The following SFSWAP variants were observed in gnomAD, a reference collection of about 807,000 sequenced individuals.
SFSWAP encodes the protein splicing factor SWAP, also known as splicing factor, suppressor of white-apricot homolog.
A neutral mutation model predicts 100.7 loss-of-function variants in SFSWAP; 17 were observed. That is an observed-to-expected ratio of 0.17 (90% CI 0.12 to 0.25). SFSWAP has a LOEUF of 0.25. SFSWAP is among the 10% of genes least tolerant of loss of function. SFSWAP has a pLI of 1.00. For synonymous variants in SFSWAP, 504 were observed against 510.1 expected, an observed-to-expected ratio of 0.99 and a Z score of 0.16; for missense variants, 1,005 against 1,262.6, an observed-to-expected ratio of 0.80 and a Z score of 3.09.
chr12:131,777,577 T>C (rs1884129184), intron 13 of SFSWAP, among the ~76,000 whole-genome samples: 1 of 152,240 alleles, frequency 6.6e-6, no homozygotes, highest in Non-Finnish European at 1.5e-5. Flanking sequence ...AAATCTTTGC[T>C]ATTGTGAAGA....
chr12:131,721,880 GTCTC>G (rs1336870865), intron 4 of SFSWAP, among the ~76,000 whole-genome samples: 1 of 152,198 alleles, frequency 6.6e-6, no homozygotes, highest in Non-Finnish European at 1.5e-5. Context: ...GCTTGATTGA[GTCTC>G]TCATTTGCGT....
At chr12:131,793,970 G>C (rs1885456139) in intron 15 of SFSWAP, among the ~76,000 whole-genome samples, 1 of 152,130 alleles carries the variant, frequency 6.6e-6, no homozygotes, top group Non-Finnish European at 1.5e-5. Flanking sequence ...GGAAACGTGT[G>C]CAGTTTCTTG....
chr12:131,714,657 C>A lies in SFSWAP; in HGVS notation c.389-165C>A. 1 of 636,094 alleles carries A rather than the reference C, an allele frequency of 1.6e-6. No homozygotes were observed. Among genetic ancestry groups the A allele is most frequent in the Non-Finnish European group, 2.7e-6 (1 of 374,210 alleles). The allele number at this position is 636,094 out of a possible 1,614,324, so 39.4% of individuals were successfully genotyped here. A position where few individuals can be genotyped will look rare whatever the true frequency, so the allele number is the denominator to read the frequency against. ...GGGTAAACATGTACTGACAAAAGTA[C>A]ATAATGATAGATATAAAGTGTGAAT... On this transcript the variant is annotated intron_variant, in intron 2 of 17. Transcript: ENST00000261674. The surrounding 1 kb of genome is among the most constrained non-coding windows in gnomAD (Gnocchi z 6.0).
chr12:131,758,651 T>G (rs146615149), intron 11 of SFSWAP, among the ~76,000 whole-genome samples: 10 of 152,372 alleles, frequency 6.6e-5, no homozygotes, highest in African/African-American at 2.2e-4. Flanking sequence ...TGGAAAAGAT[T>G]GCTTAGAAAT....
chr12:131,756,582 G>T lies in SFSWAP; in HGVS notation c.1658G>T (p.Gly553Val), dbSNP rs1468429056. 5 of 1,613,358 alleles carry T rather than the reference G, an allele frequency of 3.1e-6. No homozygotes were observed. Among genetic ancestry groups the T allele is most frequent in the Non-Finnish European group, 4.2e-6 (5 of 1,179,820 alleles). The stretch of plus-strand genomic sequence containing the variant: ...GCAGCCGAGGTGGGAGCACGGGCAG[G>T]CTCAGGCGGGAAGAAGGAGGCATCG... ...EDAAEVGARA[G>V]SGGKKEASSS... Residue 553 changes from glycine (G) to valine (V), a missense_variant, in exon 11 of 18, where the codon GGC (glycine) becomes GTC (valine). Gly to Val is a moderately radical substitution (Grantham distance 109). Coordinates refer to ENST00000261674, the MANE Select transcript of SFSWAP (RefSeq NM_004592.4).
intron 13 of SFSWAP, among the ~76,000 whole-genome samples, chr12:131,774,837 TC>T (rs1307553876): frequency 1.3e-5 from 2 of 152,210 alleles, no homozygotes; most frequent in Non-Finnish European, 2.9e-5. Context: ...ATTCAGATTG[TC>T]CCGTCGCTTC....
rs1350711948 is a variant in SFSWAP, at chr12:131,733,799, T to C, written c.1081+5371T>C. Among the ~76,000 whole-genome samples, 1 of 151,990 alleles carries C rather than the reference T, an allele frequency of 6.6e-6. No homozygotes were observed. Among genetic ancestry groups the C allele is most frequent in the East Asian group, 1.9e-4 (1 of 5,172 alleles). On this transcript the variant is annotated intron_variant, in intron 7 of 17. Transcript: ENST00000261674. This position sits in a 1 kb window ranked among gnomAD's most constrained non-coding sequence, Gnocchi z 5.1. ...AGGTGTGCAGAGTGTGTGTTCAGGC[T>C]TGTCTTCCTGCCGCAGCGCAGCAGC...
intron 4 of SFSWAP, among the ~76,000 whole-genome samples, chr12:131,722,809 C>T (rs530773401): frequency 6.6e-6 from 1 of 151,902 alleles, no homozygotes; most frequent in Admixed American, 6.6e-5. Flanking sequence ...ATTAGCCAGG[C>T]GTGGTGGTAC....
chr12:131,742,112 G>A (rs1159358613), intron 7 of SFSWAP, among the ~76,000 whole-genome samples: 3 of 152,146 alleles, frequency 2.0e-5, no homozygotes, highest in African/African-American at 4.8e-5. Flanking sequence ...CCTTCCCCCA[G>A]TGAGGGAACT....
intron 14 of SFSWAP, among the ~76,000 whole-genome samples, chr12:131,780,861 G>T (rs1411047811): frequency 2.0e-5 from 3 of 152,156 alleles, no homozygotes; most frequent in Non-Finnish European, 4.4e-5. Context: ...ACCGATCATT[G>T]TAAGAGCTGT....
At chr12:131,735,220 T>C (rs1212033146) in intron 7 of SFSWAP, among the ~76,000 whole-genome samples, 1 of 152,098 alleles carries the variant, frequency 6.6e-6, no homozygotes, top group Non-Finnish European at 1.5e-5. Context: ...GTCGTAGCCA[T>C]GGGCTGTGCA....
At chr12:131,751,765 T>C (rs1393091300) in intron 7 of SFSWAP, among the ~76,000 whole-genome samples, 3 of 152,270 alleles carry the variant, frequency 2.0e-5, no homozygotes, top group African/African-American at 7.2e-5. Context: ...GACCTGCCGC[T>C]GCAGGAGCCT....
At chr12:131,786,874 T>G (rs964408556) in intron 15 of SFSWAP, among the ~76,000 whole-genome samples, 3 of 152,176 alleles carry the variant, frequency 2.0e-5, no homozygotes, top group African/African-American at 7.2e-5. Context: ...TGGGTCCACA[T>G]GCAGCTGCTG....
chr12:131,763,075 GT>G (rs566096939), intron 11 of SFSWAP, among the ~76,000 whole-genome samples: 96 of 152,290 alleles, frequency 6.3e-4, no homozygotes, highest in African/African-American at 2.2e-3. Flanking sequence ...TGTGTGCCCT[GT>G]CCCCTGAGGC....
intron 13 of SFSWAP, among the ~76,000 whole-genome samples, chr12:131,771,650 C>CTTTTTTTTTTTTTTTTTTTTTTTTTTTTT (rs398021691): frequency 1.2e-5 from 1 of 86,112 alleles, no homozygotes; most frequent in African/African-American, 4.1e-5. Flanking sequence ...GCTAATGTCT[C>CTTTTTTTTTTTTTTTTTTTTTTTTTTTTT]TTTTTTTTTT....
chr12:131,796,025 A>AG (rs1885640035), intron 15 of SFSWAP: 2 of 1,318 alleles, frequency 1.5e-3, no homozygotes, highest in Non-Finnish European at 2.9e-3. Context: ...GGAGAGGGGG[A>AG]GGGGAGGGGA....
rs200119681 is a variant in SFSWAP at position 131,797,290 on chromosome 12, G to A, written c.2647G>A (p.Ala883Thr). ...GGCAGCGCCCCGGCCCGCGGCCCCC[G>A]CGGCCCACTCGGCGCACTCAGCCAG... ...KQAAPRPAAP[A>T]AHSAHSASVS... Residue 883 changes from alanine (A) to threonine (T), a missense_variant, in exon 16 of 18, where the codon GCG becomes ACG. Coordinates refer to ENST00000261674, the MANE Select transcript of SFSWAP (RefSeq NM_004592.4). 78 of 1,611,596 alleles carry A rather than the reference G, an allele frequency of 4.8e-5. No homozygotes were observed. Among genetic ancestry groups the A allele is most frequent in the East Asian group, 6.7e-5 (3 of 44,844 alleles).
chr12:131,780,493 T>C (rs151141612), intron 14 of SFSWAP, among the ~76,000 whole-genome samples: 3 of 152,234 alleles, frequency 2.0e-5, no homozygotes, highest in East Asian at 3.9e-4. Flanking sequence ...CTCTACAAAA[T>C]ATTTTTTTTT....
intron 7 of SFSWAP, among the ~76,000 whole-genome samples, chr12:131,738,600 GA>G (rs1234412013): frequency 7.9e-5 from 12 of 152,098 alleles, no homozygotes; most frequent in Admixed American, 1.3e-4. Flanking sequence ...ATTCAGTTCT[GA>G]AAAAAGGTTA....
Sources: allele counts gnomAD v4.1 joint callset (sites outside exome capture counted in the v4.1 genomes callset), GRCh38; gene constraint gnomAD v4.1.1; non-coding constraint Gnocchi (gnomAD v3.1); transcripts MANE v1.5; gene names NCBI Gene and HGNC (gene_info 2026-07-23, HGNC 2026-07-21).